The following TRAPPC9 variants were observed in gnomAD, a reference collection of about 807,000 sequenced individuals.
TRAPPC9 encodes the protein trafficking protein particle complex subunit 9, also known as IKK2 binding protein.
A neutral mutation model predicts 124.0 loss-of-function variants in TRAPPC9; 83 were observed. The observed-to-expected ratio is 0.67, with a 90% confidence interval of 0.56 to 0.80. The LOEUF (loss-of-function observed/expected upper bound fraction) is 0.80. Ranked by LOEUF, TRAPPC9 falls within the 30% of genes least tolerant of loss-of-function variation. The probability of loss-of-function intolerance (pLI) is 0.00; values close to 1 mark genes in which losing one functional copy is unlikely to be tolerated. For synonymous variants in TRAPPC9, 638 were observed against 617.5 expected, an observed-to-expected ratio of 1.03 and a Z score of -0.49; for missense variants, 1,302 against 1,508.3, an observed-to-expected ratio of 0.86 and a Z score of 2.27.
At chr8:139,909,381 T>G (rs1486964597) in intron 20 of TRAPPC9, among the ~76,000 whole-genome samples, 1 of 152,184 alleles carries the variant, frequency 6.6e-6, no homozygotes, top group Non-Finnish European at 1.5e-5. Context: ...CCCAGTGGCC[T>G]CTGAACCTGC....
chr8:139,743,766 T>A (rs1416839832), intron 21 of TRAPPC9, among the ~76,000 whole-genome samples: 1 of 152,134 alleles, frequency 6.6e-6, no homozygotes, highest in African/African-American at 2.4e-5. Flanking sequence ...GGCAGGCACA[T>A]CCCATATAAA....
At chr8:140,348,572 A>G (rs1321663454) in intron 9 of TRAPPC9, among the ~76,000 whole-genome samples, 1 of 152,328 alleles carries the variant, frequency 6.6e-6, no homozygotes, top group Middle Eastern at 3.4e-3. Context: ...CCACAGTGTT[A>G]TCAACAGTAC....
intron 21 of TRAPPC9, among the ~76,000 whole-genome samples, chr8:139,839,396 C>T (rs1826579753): frequency 1.3e-5 from 2 of 152,180 alleles, no homozygotes; most frequent in South Asian, 2.1e-4. Flanking sequence ...GGATGGCTTT[C>T]GACAAGCCAA....
intron 15 of TRAPPC9, among the ~76,000 whole-genome samples, chr8:140,260,920 G>T (rs1563891209): frequency 6.6e-6 from 1 of 152,326 alleles, no homozygotes; most frequent in East Asian, 1.9e-4. Flanking sequence ...AAGGGAGAGA[G>T]TACTTTGAAA....
intron 9 of TRAPPC9, among the ~76,000 whole-genome samples, chr8:140,325,042 A>C (rs1239169179): frequency 1.3e-5 from 2 of 152,162 alleles, no homozygotes; most frequent in Non-Finnish European, 2.9e-5. Context: ...AACAGAAATC[A>C]ATAACAATAC....
In TRAPPC9 at chr8:140,216,924, A is replaced by G. The variant is rs1467826574; in HGVS notation, c.2556+4535T>C. ...ACCAGCCCAGGAGTTCCATGAAGTC[A>G]AGACAGCCATGATGCACCCTTGTTT... is the stretch of plus-strand genomic sequence containing the variant. On this transcript the variant is annotated intron_variant, in intron 17 of 22. Transcript: ENST00000438773. The surrounding 1 kb of genome is among the most constrained non-coding windows in gnomAD (Gnocchi z 4.1). 6.6e-6 allele frequency among the ~76,000 whole-genome samples: 1 copy of G among 152,172 alleles called. No individual in the cohort carries two copies. The highest frequency in any genetic ancestry group is 1.5e-5 in the Non-Finnish European group (1 of 68,026).
Position 140,392,635 on chromosome 8 carries a change from T to A in TRAPPC9, c.1134+4985A>T, listed in dbSNP as rs147950016. On this transcript the variant is annotated intron_variant, in intron 7 of 22. Transcript: ENST00000438773. ...AGCGCCGAGTGCCTGGCCTTTGGTG[T>A]GGAACAAGTGAGTGAGGGCAGGAAA... is the stretch of plus-strand genomic sequence containing the variant. Among the ~76,000 whole-genome samples the A allele has an allele frequency of 4.1e-4, 62 of 152,318 alleles. 1 individual carries two copies. The highest frequency in any genetic ancestry group is 1.5e-3 in the African/African-American group (62 of 41,570).
At chr8:139,960,162 G>A (rs755844894) in intron 19 of TRAPPC9, among the ~76,000 whole-genome samples, 30 of 152,172 alleles carry the variant, frequency 2.0e-4, no homozygotes, top group Non-Finnish European at 3.1e-4. Context: ...ATATAACCCC[G>A]TCTGGCCTCA....
intron 9 of TRAPPC9, among the ~76,000 whole-genome samples, chr8:140,328,714 T>C (rs2066807536): frequency 6.6e-6 from 1 of 151,960 alleles, no homozygotes; most frequent in Non-Finnish European, 1.5e-5. Flanking sequence ...CAACAACCTA[T>C]GGAAATAATT....
intron 3 of TRAPPC9, 40 bp downstream of exon 3, chr8:140,439,012 A>G: frequency 6.2e-7 from 1 of 1,613,550 alleles, no homozygotes; most frequent in Non-Finnish European, 8.5e-7. Flanking sequence ...TAACAGTTGA[A>G]ACAATTACAT....
chr8:139,787,601 C>T (rs201622668), intron 21 of TRAPPC9, among the ~76,000 whole-genome samples: 39 of 152,274 alleles, frequency 2.6e-4, no homozygotes, highest in African/African-American at 7.9e-4. Context: ...AAGCTAAGGA[C>T]GCTGATATAC....
intron 20 of TRAPPC9, among the ~76,000 whole-genome samples, chr8:139,893,084 C>CT (rs751623136): frequency 7.9e-5 from 12 of 152,208 alleles, no homozygotes; most frequent in Non-Finnish European, 1.2e-4. Flanking sequence ...ACTCTGCCCT[C>CT]TAAGGATTTA....
At chr8:139,812,781 C>T (rs1824531978) in intron 21 of TRAPPC9, among the ~76,000 whole-genome samples, 1 of 152,194 alleles carries the variant, frequency 6.6e-6, no homozygotes, top group Admixed American at 6.5e-5. Context: ...AATTTGAACC[C>T]TTGGAAGAGC....
At chr8:139,987,787 G>A (rs2131702829) in intron 19 of TRAPPC9, among the ~76,000 whole-genome samples, 1 of 152,274 alleles carries the variant, frequency 6.6e-6, no homozygotes, top group Middle Eastern at 3.4e-3. Flanking sequence ...GCCACTGAGG[G>A]GCTCCGCCAT....
chr8:140,418,552 C>T (rs1345262337), intron 5 of TRAPPC9, among the ~76,000 whole-genome samples: 1 of 152,200 alleles, frequency 6.6e-6, no homozygotes, highest in African/African-American at 2.4e-5. Flanking sequence ...AAAACCCTGT[C>T]TCTACTAAAA....
At chr8:140,049,369 G>A (rs1841829015) in intron 17 of TRAPPC9, among the ~76,000 whole-genome samples, 1 of 152,096 alleles carries the variant, frequency 6.6e-6, no homozygotes, top group Non-Finnish European at 1.5e-5. Flanking sequence ...TGCAACCCAG[G>A]CTTACTCTTT....
At chr8:139,770,464 C>T (rs747753563) in intron 21 of TRAPPC9, among the ~76,000 whole-genome samples, 15 of 152,232 alleles carry the variant, frequency 9.9e-5, no homozygotes, top group Non-Finnish European at 5.9e-5. Flanking sequence ...TCTCCAGGCA[C>T]GGGTTCACAA....
At chr8:140,027,448 A>G (rs2131945653) in intron 17 of TRAPPC9, among the ~76,000 whole-genome samples, 1 of 152,332 alleles carries the variant, frequency 6.6e-6, no homozygotes, top group Non-Finnish European at 1.5e-5. Context: ...AGTCACCTAC[A>G]GAGAGTGATG....
intron 9 of TRAPPC9, among the ~76,000 whole-genome samples, chr8:140,328,722 AT>A (rs1006423721): frequency 4.0e-5 from 6 of 150,438 alleles, no homozygotes; most frequent in African/African-American, 7.3e-5. Context: ...TATGGAAATA[AT>A]TTTTTTTTTA....
Sources: allele counts gnomAD v4.1 joint callset (sites outside exome capture counted in the v4.1 genomes callset), GRCh38; gene constraint gnomAD v4.1.1; non-coding constraint Gnocchi (gnomAD v3.1); transcripts MANE v1.5; gene names NCBI Gene and HGNC (gene_info 2026-07-23, HGNC 2026-07-21).